The following SOD3 variants were observed in gnomAD, a reference collection of about 807,000 sequenced individuals.
The protein encoded by SOD3 is superoxide dismutase 3, also known as extracellular superoxide dismutase [Cu-Zn].
In SOD3, 3 loss-of-function variants were observed where a neutral mutation model predicts 2.6. That is an observed-to-expected ratio of 1.13 (90% CI 0.52 to 2.93). SOD3 has a LOEUF of 2.93. SOD3 is among the 30% of genes most tolerant of loss of function. The pLI is 0.04. For missense variants in SOD3, 379 were observed against 370.4 expected, an observed-to-expected ratio of 1.02 and a Z score of -0.19; for synonymous variants, 188 against 177.5, an observed-to-expected ratio of 1.06 and a Z score of -0.47.
At chr4:24,795,808 AG>A (rs1713639795) in intron 1 of SOD3, among the ~76,000 whole-genome samples, 157 bp downstream of exon 1, 1 of 151,698 alleles carries the variant, frequency 6.6e-6, no homozygotes, top group East Asian at 1.9e-4. Flanking sequence ...GTTAGTGGGG[AG>A]GTGGAGTGAG....
Position 24,800,075 on chromosome 4 carries a change from A to G in SOD3, c.554A>G (p.Asp185Gly), listed in dbSNP as rs1308164566. The change falls in exon 2 of 2, where the codon GAC (aspartate) becomes GGC (glycine). Residue 185 changes from aspartate to glycine, a missense_variant. Transcript: ENST00000382120. ...GRAVVVHAGE[D>G]DLGRGGNQAS... ...GCCGTGGTCGTCCACGCTGGCGAGGACGACCTGGGCCGCGGCGGCAACCAG... is the reference window on the plus strand; with the variant it reads ...GCCGTGGTCGTCCACGCTGGCGAGGGCGACCTGGGCCGCGGCGGCAACCAG... The G allele has an allele frequency of 1.4e-6, 2 of 1,428,446 alleles. No homozygotes were observed. Among genetic ancestry groups the G allele is most frequent in the Non-Finnish European group, 1.8e-6 (2 of 1,102,800 alleles). The allele number at this position is 1,428,446 out of a possible 1,614,324, so 88.5% of individuals were successfully genotyped here. A position where few individuals can be genotyped will look rare whatever the true frequency, so the allele number is the denominator to read the frequency against.
At chr4:24,799,375 G>A (rs368669800) in intron 1 of SOD3, 131 bp from the exon 2 acceptor site, 23 of 1,058,424 alleles carry the variant, frequency 2.2e-5, no homozygotes, top group South Asian at 1.8e-4. Flanking sequence ...GCCACATGAA[G>A]TCATGCCCAC....
rs532789674 is a variant in SOD3, at chr4:24,799,528, G to A, written c.7G>A (p.Ala3Thr). ...CAGGTGCCCGACTCCAGCCATGCTG[G>A]CGCTACTGTGTTCCTGCCTGCTCCT... ML[A>T]LLCSCLLLAA... Residue 3 changes from alanine to threonine, a missense_variant, in exon 2 of 2, where the codon GCG becomes ACG. Transcript: ENST00000382120. The A allele has an allele frequency of 1.7e-5, 27 of 1,599,350 alleles. No homozygotes were observed. The South Asian group carries it at 2.5e-4, about 15-fold the overall frequency.
rs34368349 is a variant in SOD3, at chr4:24,796,435, CTTTTTTTT to C, written c.-17+803_-17+810del. On this transcript the variant is annotated intron_variant, in intron 1 of 1. Transcript: ENST00000382120. ...TTTTCCTCCTCCTCCTCCTTCTTCT[CTTTTTTTT>C]TTTTTTTTTTTTTTTTTTGAGACAT... Among the ~76,000 whole-genome samples, 389 of 71,992 alleles carry C rather than the reference CTTTTTTTT, an allele frequency of 5.4e-3. 1 individual carries two copies. Among genetic ancestry groups the C allele is most frequent in the African/African-American group, 0.023 (352 of 15,436 alleles). The allele number at this position is 71,992 out of a possible 152,430, so 47.2% of individuals were successfully genotyped here. A position where few individuals can be genotyped will look rare whatever the true frequency, so the allele number is the denominator to read the frequency against.
chr4:24,797,010 T>C (rs1409898867), intron 1 of SOD3, among the ~76,000 whole-genome samples: 1 of 152,048 alleles, frequency 6.6e-6, no homozygotes. Flanking sequence ...GGCTTTGGGG[T>C]AGTAGTACCA....
intron 1 of SOD3, among the ~76,000 whole-genome samples, chr4:24,797,802 G>C (rs74622323): frequency 6.6e-6 from 1 of 152,188 alleles, no homozygotes; most frequent in Non-Finnish European, 1.5e-5. Context: ...ATGGCACCTA[G>C]TTTGGTGCTG....
intron 1 of SOD3, among the ~76,000 whole-genome samples, chr4:24,798,811 T>C (rs1013424454): frequency 2.6e-5 from 4 of 152,118 alleles, no homozygotes; most frequent in African/African-American, 9.7e-5. Context: ...CCTAGGGAGA[T>C]GGGTACTGCC....
At chr4:24,795,980 A>G (rs1713647142) in intron 1 of SOD3, among the ~76,000 whole-genome samples, 1 of 152,132 alleles carries the variant, frequency 6.6e-6, no homozygotes, top group African/African-American at 2.4e-5. Context: ...CACTTATGGG[A>G]CAGCAGGTAC....
At chr4:24,798,884 A>G (rs1293128703) in intron 1 of SOD3, among the ~76,000 whole-genome samples, 2 of 152,210 alleles carry the variant, frequency 1.3e-5, no homozygotes. Flanking sequence ...GAATGATTGG[A>G]TGCCAAGTCT....
chr4:24,800,374 C>A lies in SOD3; in HGVS notation c.*130C>A. 1 of 978,720 alleles carries A rather than the reference C, an allele frequency of 1.0e-6. No homozygotes were observed. The highest frequency in any genetic ancestry group is 1.4e-6 in the Non-Finnish European group (1 of 730,368). The allele number at this position is 978,720 out of a possible 1,614,324, so 60.6% of individuals were successfully genotyped here. A position where few individuals can be genotyped will look rare whatever the true frequency, so the allele number is the denominator to read the frequency against. On this transcript the variant is annotated 3_prime_UTR_variant, in exon 2 of 2. Coordinates refer to ENST00000382120, the MANE Select transcript of SOD3 (RefSeq NM_003102.4). ...CGCCTTTGCTGAAGTCTCCCCGCAG[C>A]CCTCTCCACCCAGAGGTCTCCCTAT...
In SOD3 at chr4:24,800,201, A is replaced by G. The variant is rs1393346138; in HGVS notation, c.680A>G (p.Glu227Gly). 14 of 1,432,728 alleles carry G rather than the reference A, an allele frequency of 9.8e-6. No homozygotes were observed. The highest frequency in any genetic ancestry group is 2.9e-5 in the Admixed American group (1 of 34,316). The allele number at this position is 1,432,728 out of a possible 1,614,324, so 88.8% of individuals were successfully genotyped here. A position where few individuals can be genotyped will look rare whatever the true frequency, so the allele number is the denominator to read the frequency against. Reference protein sequence around the residue: ...LWERQAREHSERKKRRRESEC... With the variant: ...LWERQAREHSGRKKRRRESEC... The stretch of plus-strand genomic sequence containing the variant: ...GAGCGCCAGGCGCGGGAGCACTCAG[A>G]GCGCAAGAAGCGGCGGCGCGAGAGC... The change falls in exon 2 of 2, where the codon GAG (glutamate) becomes GGG (glycine). Residue 227 changes from glutamate to glycine, a missense_variant. Coordinates refer to ENST00000382120, the MANE Select transcript of SOD3 (RefSeq NM_003102.4).
rs1161175854 is a variant in SOD3, at chr4:24,800,178, G to A, written c.657G>A (p.Glu219=). The stretch of plus-strand genomic sequence containing the variant: ...GCGTGTGCGGGCCCGGGCTCTGGGA[G>A]CGCCAGGCGCGGGAGCACTCAGAGC... ...VVGVCGPGLW[E]RQAREHSERK... is the part of the protein sequence containing the mutation. The change falls in exon 2 of 2, where the codon GAG becomes GAA. Residue 219 remains glutamate, a synonymous_variant. Transcript: ENST00000382120. 18 of 1,421,860 alleles carry A rather than the reference G, an allele frequency of 1.3e-5. No homozygotes were observed. The highest frequency in any genetic ancestry group is 1.5e-5 in the African/African-American group (1 of 66,552). 88.1% of individuals were successfully genotyped at this position (1,421,860 alleles called of 1,614,324 possible).
intron 1 of SOD3, among the ~76,000 whole-genome samples, chr4:24,798,665 C>T (rs1713743255): frequency 6.6e-6 from 1 of 152,150 alleles, no homozygotes; most frequent in Non-Finnish European, 1.5e-5. Flanking sequence ...ATCTCATCAC[C>T]CACTTTTCTT....
In SOD3 at chr4:24,799,644, G is replaced by A. The variant is rs544829349; in HGVS notation, c.123G>A (p.Lys41=). 3 of 1,604,682 alleles carry A rather than the reference G, an allele frequency of 1.9e-6. No individual in the cohort carries two copies. Among genetic ancestry groups the A allele is most frequent in the South Asian group, 1.1e-5 (1 of 90,072 alleles). The change falls in exon 2 of 2, where the codon AAG becomes AAA. Residue 41 remains lysine, a synonymous_variant. Transcript: ENST00000382120. The part of the protein sequence containing the change: ...SAEWIRDMYA[K]VTEIWQEVMQ... ...AGTGGATCCGAGACATGTACGCCAA[G>A]GTCACGGAGATCTGGCAGGAGGTCA...
In SOD3 at chr4:24,800,166, C is replaced by A. The variant is rs36097928; in HGVS notation, c.645C>A (p.Pro215=). 4 of 1,417,558 alleles carry A rather than the reference C, an allele frequency of 2.8e-6. No homozygotes were observed. The highest frequency in any genetic ancestry group is 2.4e-4 in the Middle Eastern group (1 of 4,176). The allele number at this position is 1,417,558 out of a possible 1,614,324, so 87.8% of individuals were successfully genotyped here. The change falls in exon 2 of 2, where the codon CCC becomes CCA. Residue 215 remains proline, a synonymous_variant. Transcript: ENST00000382120. ...GCTGCGTGGTGGGCGTGTGCGGGCC[C>A]GGGCTCTGGGAGCGCCAGGCGCGGG... ...LACCVVGVCG[P]GLWERQAREH...
Position 24,800,092 on chromosome 4 carries a change from G to T in SOD3, c.571G>T (p.Gly191Cys). The T allele has an allele frequency of 7.1e-7, 1 of 1,400,540 alleles. No homozygotes were observed. Among genetic ancestry groups the T allele is most frequent in the South Asian group, 1.6e-5 (1 of 63,936 alleles). The allele number at this position is 1,400,540 out of a possible 1,614,324, so 86.8% of individuals were successfully genotyped here. Reference protein sequence around the residue: ...HAGEDDLGRGGNQASVENGNA... With the variant: ...HAGEDDLGRGCNQASVENGNA... ...TGGCGAGGACGACCTGGGCCGCGGC[G>T]GCAACCAGGCCAGCGTGGAGAACGG... Residue 191 changes from glycine (G) to cysteine (C), a missense_variant, in exon 2 of 2, where the codon GGC (glycine) becomes TGC (cysteine). Transcript: ENST00000382120.
chr4:24,799,589 A>G lies in SOD3; in HGVS notation c.68A>G (p.Asp23Gly), dbSNP rs752600544. ...AGASDAWTGE[D>G]SAEPNSDSAE... The stretch of plus-strand genomic sequence containing the variant: ...GCCTCGGACGCCTGGACGGGCGAGG[A>G]CTCGGCGGAGCCCAACTCTGACTCG... The change falls in exon 2 of 2, where the codon GAC (aspartate) becomes GGC (glycine). Residue 23 changes from aspartate to glycine, a missense_variant. By Grantham distance (94) the Asp-to-Gly change is moderately conservative. Transcript: ENST00000382120. 3 of 1,603,480 alleles carry G rather than the reference A, an allele frequency of 1.9e-6. No individual in the cohort carries two copies. The Admixed American group carries it at 5.0e-5, about 27-fold the overall frequency.
chr4:24,798,611 C>T (rs1713741783), intron 1 of SOD3, among the ~76,000 whole-genome samples: 1 of 152,124 alleles, frequency 6.6e-6, no homozygotes, highest in Admixed American at 6.6e-5. Flanking sequence ...TCCCAAAGTC[C>T]AACCCATATC....
Position 24,800,263 on chromosome 4 carries a change from GGC to G in SOD3, c.*21_*22del. The stretch of plus-strand genomic sequence containing the variant: ...CGCCTGAGCGCGGCCCCCACCCGGC[GGC>G]GGCCAGGGACCCCCGAGGCCCCCCT... On this transcript the variant is annotated 3_prime_UTR_variant, in exon 2 of 2. Coordinates refer to ENST00000382120, the MANE Select transcript of SOD3 (RefSeq NM_003102.4). 7.2e-7 allele frequency: 1 copy of G among 1,379,562 alleles called. No individual in the cohort carries two copies. The highest frequency in any genetic ancestry group is 9.3e-7 in the Non-Finnish European group (1 of 1,070,152). 85.5% of individuals were successfully genotyped at this position (1,379,562 alleles called of 1,614,324 possible).
Sources: allele counts gnomAD v4.1 joint callset (sites outside exome capture counted in the v4.1 genomes callset), GRCh38; gene constraint gnomAD v4.1.1; transcripts MANE v1.5; gene names NCBI Gene and HGNC (gene_info 2026-07-23, HGNC 2026-07-21).